The following TTLL5 variants were observed in gnomAD, a reference collection of about 807,000 sequenced individuals.
TTLL5 encodes tubulin tyrosine ligase like 5.
A neutral mutation model predicts 168.4 loss-of-function variants in TTLL5; 132 were observed. The observed-to-expected ratio is 0.78, with a 90% confidence interval of 0.68 to 0.91. TTLL5 has a LOEUF of 0.91. Among genes scored for constraint, TTLL5 ranks in the 40% least tolerant of loss-of-function variants. The pLI is 0.00. For missense variants in TTLL5, 1,545 were observed against 1,581.5 expected (o/e 0.98, Z 0.39); for synonymous variants, 546 against 558.6 (o/e 0.98, Z 0.32).
chr14:75,748,374 A>G (rs1432861104), intron 17 of TTLL5, among the ~76,000 whole-genome samples: 1 of 150,376 alleles, frequency 6.6e-6, no homozygotes, highest in Non-Finnish European at 1.5e-5. Context: ...TAGTTACAGT[A>G]CAGTTTTTTC....
At chr14:75,897,836 C>A (rs1484912027) in intron 30 of TTLL5, among the ~76,000 whole-genome samples, 1 of 152,148 alleles carries the variant, frequency 6.6e-6, no homozygotes, top group Non-Finnish European at 1.5e-5. Flanking sequence ...AGACCATTAC[C>A]AGAGCTGAGA....
intron 29 of TTLL5, among the ~76,000 whole-genome samples, chr14:75,867,448 T>C (rs905313314): frequency 1.3e-5 from 2 of 152,182 alleles, no homozygotes; most frequent in Admixed American, 1.3e-4. Context: ...GGGTTCTCTA[T>C]ACACATTAAC....
At chr14:75,868,300 G>C (rs929433009) in intron 29 of TTLL5, among the ~76,000 whole-genome samples, 1 of 152,158 alleles carries the variant, frequency 6.6e-6, no homozygotes, top group African/African-American at 2.4e-5. Context: ...ACAATCATGG[G>C]AGAAAGGAGA....
At chr14:75,826,296 T>TAGACACACACAC (rs548406512) in intron 28 of TTLL5, among the ~76,000 whole-genome samples, 1 of 139,352 alleles carries the variant, frequency 7.2e-6, no homozygotes, top group Non-Finnish European at 1.6e-5. Context: ...AGGATACGCG[T>TAGACACACACAC]ACACACACAC....
chr14:75,739,904 T>C (rs1034719303), intron 15 of TTLL5, among the ~76,000 whole-genome samples: 29 of 152,258 alleles, frequency 1.9e-4, no homozygotes, highest in African/African-American at 6.8e-4. Flanking sequence ...TATTTTGATA[T>C]TCACCTGTTT....
At chr14:75,734,731 A>C (rs1307685639) in intron 14 of TTLL5, among the ~76,000 whole-genome samples, 1 of 152,244 alleles carries the variant, frequency 6.6e-6, no homozygotes. Flanking sequence ...GCCAATTTTG[A>C]AAGTTGCCAA....
At chr14:75,801,163 G>A (rs1285453625) in intron 27 of TTLL5, among the ~76,000 whole-genome samples, 1 of 152,148 alleles carries the variant, frequency 6.6e-6, no homozygotes, top group Admixed American at 6.5e-5. Flanking sequence ...AGTTAGGCAT[G>A]CCCAAGCTCA....
chr14:75,812,026 A>G (rs117861758), intron 27 of TTLL5, among the ~76,000 whole-genome samples: 1 of 152,292 alleles, frequency 6.6e-6, no homozygotes, highest in East Asian at 1.9e-4. Context: ...TCTAGATGGT[A>G]TGCATGCAAT....
At chr14:75,667,468 G>A (rs1317687924) in intron 2 of TTLL5, among the ~76,000 whole-genome samples, 1 of 152,174 alleles carries the variant, frequency 6.6e-6, no homozygotes, top group Admixed American at 6.5e-5. Flanking sequence ...CATTTTACAG[G>A]TGTTAAAGAT....
intron 5 of TTLL5, among the ~76,000 whole-genome samples, chr14:75,685,707 A>G (rs973965624): frequency 2.6e-5 from 4 of 152,178 alleles, no homozygotes; most frequent in African/African-American, 9.7e-5. Context: ...GGAAGTTACC[A>G]TCTCTAGAGA....
intron 9 of TTLL5, among the ~76,000 whole-genome samples, chr14:75,714,558 T>C (rs941525362): frequency 9.9e-5 from 15 of 152,226 alleles, no homozygotes; most frequent in African/African-American, 3.6e-4. Flanking sequence ...TTTATACCAA[T>C]GCAGACTCAA....
At chr14:75,762,153 T>C (rs894418271) in intron 18 of TTLL5, among the ~76,000 whole-genome samples, 1 of 152,066 alleles carries the variant, frequency 6.6e-6, no homozygotes, top group African/African-American at 2.4e-5. Context: ...CCCAGCACTT[T>C]GGGAGGCCGA....
intron 6 of TTLL5, among the ~76,000 whole-genome samples, chr14:75,696,531 A>G (rs1885887608): frequency 6.6e-6 from 1 of 152,254 alleles, no homozygotes; most frequent in Admixed American, 6.5e-5. Context: ...ACACATACAT[A>G]TATTCAGTGG....
Position 75,780,868 on chromosome 14 carries a change from C to CT in TTLL5, c.2515+1174dup, listed in dbSNP as rs535628669. Among the ~76,000 whole-genome samples the CT allele has an allele frequency of 4.5e-3, 677 of 152,104 alleles. 5 individuals carry two copies. The highest frequency in any genetic ancestry group is 7.3e-3 in the Non-Finnish European group (494 of 67,994). On this transcript the variant is annotated intron_variant, in intron 24 of 31. Coordinates refer to ENST00000298832, the MANE Select transcript of TTLL5 (RefSeq NM_015072.5). ...CACCTGTTCATTCATTCTTTCTATA[C>CT]TTTTTTTTACTTAGCACCTATTATG...
intron 15 of TTLL5, among the ~76,000 whole-genome samples, chr14:75,742,451 A>G (rs1011124513): frequency 2.6e-5 from 4 of 152,024 alleles, no homozygotes; most frequent in African/African-American, 9.7e-5. Context: ...GCTGGAGTGC[A>G]ATGGGGCAAT....
chr14:75,707,967 C>T (rs571849818), intron 9 of TTLL5, among the ~76,000 whole-genome samples: 245 of 152,326 alleles, frequency 1.6e-3, no homozygotes, highest in African/African-American at 5.7e-3. Context: ...ACATCTTCCC[C>T]AGCACTGATC....
At chr14:75,854,214 T>C (rs1474795874) in intron 28 of TTLL5, among the ~76,000 whole-genome samples, 16 of 152,204 alleles carry the variant, frequency 1.1e-4, no homozygotes, top group Admixed American at 1.0e-3. Flanking sequence ...TCCCCACTAG[T>C]AATCATTCTT....
intron 26 of TTLL5, among the ~76,000 whole-genome samples, chr14:75,787,808 T>C (rs1470056040): frequency 1.3e-5 from 2 of 152,144 alleles, no homozygotes; most frequent in Non-Finnish European, 2.9e-5. Context: ...TTTGTCCACA[T>C]TGCAATTAAG....
intron 13 of TTLL5, among the ~76,000 whole-genome samples, chr14:75,732,631 A>G (rs569475796): frequency 1.3e-5 from 2 of 152,228 alleles, no homozygotes; most frequent in South Asian, 4.1e-4. Context: ...GTCAATTTAC[A>G]ATTATATCAT....
Sources: gnomAD v4.1 joint callset for allele counts (sites outside exome capture counted in the v4.1 genomes callset) on GRCh38, gnomAD v4.1.1 for gene constraint, MANE v1.5 for transcripts, NCBI Gene and HGNC (gene_info 2026-07-23, HGNC 2026-07-21) for gene names.